Variants in ARL13B observed in about 807,000 individuals in gnomAD.
The protein encoded by ARL13B is ARF like GTPase 13B, also known as ADP-ribosylation factor-like protein 13B.
A neutral mutation model predicts 56.1 loss-of-function variants in ARL13B; 36 were observed. That is an observed-to-expected ratio of 0.64 (90% CI 0.49 to 0.85). The LOEUF (loss-of-function observed/expected upper bound fraction) is 0.85. Among genes scored for constraint, ARL13B ranks in the 40% least tolerant of loss-of-function variants. ARL13B has a pLI of 0.00. For missense variants in ARL13B, 519 were observed against 507.1 expected (o/e 1.02, Z -0.23); for synonymous variants, 178 against 171.1 (o/e 1.04, Z -0.32).
At chr3:94,052,803 A>G (rs917469396) in intron 9 of ARL13B, among the ~76,000 whole-genome samples, 5 of 152,188 alleles carry the variant, frequency 3.3e-5, no homozygotes, top group African/African-American at 1.2e-4. Context: ...GATAGTGGCT[A>G]TATTTGGGGT....
chr3:93,986,742 A>G (rs1429834061), intron 1 of ARL13B, among the ~76,000 whole-genome samples: 2 of 152,010 alleles, frequency 1.3e-5, no homozygotes, highest in Non-Finnish European at 2.9e-5. Context: ...GCCGTGGTGG[A>G]TGGATCAGTT....
chr3:94,050,164 G>A (rs1289999049), intron 8 of ARL13B, among the ~76,000 whole-genome samples: 1 of 136,252 alleles, frequency 7.3e-6, no homozygotes, highest in Non-Finnish European at 1.6e-5. Context: ...ACTCCATCTC[G>A]GGAAAAAAAA....
At chr3:94,005,974 G>A (rs936027590) in intron 3 of ARL13B, among the ~76,000 whole-genome samples, 8 of 152,092 alleles carry the variant, frequency 5.3e-5, no homozygotes, top group African/African-American at 1.9e-4. Flanking sequence ...GTATATTTAT[G>A]AGACAAGTAA....
intron 3 of ARL13B, among the ~76,000 whole-genome samples, chr3:94,009,308 A>C (rs2076185109): frequency 6.6e-6 from 1 of 151,942 alleles, no homozygotes. Context: ...ATTAATTATT[A>C]CTTTTTCAAC....
At chr3:94,046,254 C>T (rs962912351) in intron 7 of ARL13B, among the ~76,000 whole-genome samples, 1 of 152,052 alleles carries the variant, frequency 6.6e-6, no homozygotes, top group Non-Finnish European at 1.5e-5. Flanking sequence ...TTCTTCATGT[C>T]CTTTAGTAAT....
At chr3:94,053,124 CTG>C in intron 9 of ARL13B, 61 bp from the exon 10 acceptor site, 1 of 1,314,402 alleles carries the variant, frequency 7.6e-7, no homozygotes, top group East Asian at 2.3e-5. Flanking sequence ...AAATAATGAA[CTG>C]TGTCAAAAAT....
chr3:93,996,059 A>G, intron 2 of ARL13B, 115 bp downstream of exon 2: 2 of 1,023,416 alleles, frequency 2.0e-6, no homozygotes, highest in Non-Finnish European at 3.0e-6. Context: ...GCACTGCATT[A>G]CTTTATATTC....
At chr3:94,037,652 CA>C (rs2076791829) in intron 5 of ARL13B, among the ~76,000 whole-genome samples, 1 of 151,790 alleles carries the variant, frequency 6.6e-6, no homozygotes, top group Non-Finnish European at 1.5e-5. Context: ...GTATTTTTAT[CA>C]TATAAAGCTC....
chr3:93,993,787 A>G (rs73156339), intron 1 of ARL13B, among the ~76,000 whole-genome samples: 12,413 of 152,276 alleles, frequency 0.082, 630 homozygotes, highest in Middle Eastern at 0.2. Flanking sequence ...AAGTAAATTC[A>G]TATTTTTCAT....
chr3:94,006,186 T>C (rs1287464557), intron 3 of ARL13B, among the ~76,000 whole-genome samples: 4 of 152,034 alleles, frequency 2.6e-5, no homozygotes, highest in Non-Finnish European at 5.9e-5. Context: ...TCCCAGCTAC[T>C]CGGGAGGCTG....
chr3:93,982,540 A>G (rs1264587347), intron 1 of ARL13B, among the ~76,000 whole-genome samples: 1 of 152,246 alleles, frequency 6.6e-6, no homozygotes, highest in Non-Finnish European at 1.5e-5. Context: ...TGCATATGCT[A>G]GGTTAAATAA....
At chr3:93,995,216 A>G (rs2075945881) in intron 1 of ARL13B, among the ~76,000 whole-genome samples, 1 of 152,148 alleles carries the variant, frequency 6.6e-6, no homozygotes, top group South Asian at 2.1e-4. Flanking sequence ...AGTTAGGTGA[A>G]TTAGGTTCTG....
rs1311034105 is a variant in ARL13B at position 94,054,421 on chromosome 3, T to C, written c.*1158T>C. On this transcript the variant is annotated 3_prime_UTR_variant, in exon 10 of 10. Coordinates refer to ENST00000394222, the MANE Select transcript of ARL13B (RefSeq NM_001174150.2). Reference sequence around the variant, plus strand: ...TCCATAAGATTCTGTATTTGGCATTTAGACTAACTTCTAGATGTATATTTT... The same window carrying C: ...TCCATAAGATTCTGTATTTGGCATTCAGACTAACTTCTAGATGTATATTTT... 1.3e-5 allele frequency: 5 copies of C among 379,494 alleles called. No homozygotes were observed. The highest frequency in any genetic ancestry group is 2.6e-5 in the Non-Finnish European group (5 of 194,644). The allele number at this position is 379,494 out of a possible 1,614,324, so 23.5% of individuals were successfully genotyped here. A position where few individuals can be genotyped will look rare whatever the true frequency, so the allele number is the denominator to read the frequency against.
At chr3:93,999,364 C>T (rs1384563329) in intron 2 of ARL13B, among the ~76,000 whole-genome samples, 2 of 152,082 alleles carry the variant, frequency 1.3e-5, no homozygotes, top group African/African-American at 2.4e-5. Flanking sequence ...GCCTCAGCCT[C>T]GAGAGTAGCT....
chr3:94,029,220 C>G (rs1260102481), intron 3 of ARL13B, among the ~76,000 whole-genome samples: 1 of 143,864 alleles, frequency 7.0e-6, no homozygotes, highest in Non-Finnish European at 1.5e-5. Context: ...TCTTGTACTA[C>G]CAAATTTCAG....
intron 1 of ARL13B, among the ~76,000 whole-genome samples, chr3:93,984,084 G>C (rs1443997365): frequency 6.6e-6 from 1 of 152,216 alleles, no homozygotes; most frequent in Admixed American, 6.5e-5. Flanking sequence ...GGCGGAGCAC[G>C]GTGGCTCACG....
intron 1 of ARL13B, among the ~76,000 whole-genome samples, chr3:93,989,948 A>C (rs1401072601): frequency 6.6e-6 from 1 of 152,162 alleles, no homozygotes; most frequent in Non-Finnish European, 1.5e-5. Context: ...ACTTCTGGAA[A>C]GGTTACATCA....
chr3:94,054,023 A>G lies in ARL13B; in HGVS notation c.*760A>G. 1 of 430,372 alleles carries G rather than the reference A, an allele frequency of 2.3e-6. No individual in the cohort carries two copies. The allele number at this position is 430,372 out of a possible 1,614,324, so 26.7% of individuals were successfully genotyped here. A position where few individuals can be genotyped will look rare whatever the true frequency, so the allele number is the denominator to read the frequency against. On this transcript the variant is annotated 3_prime_UTR_variant, in exon 10 of 10. Coordinates refer to ENST00000394222, the MANE Select transcript of ARL13B (RefSeq NM_001174150.2). ...GACTGGAAATACCTTTTGTACCTAA[A>G]TGTTTTTTAAATTAATCAAAATACA...
At position 94,003,825 on chromosome 3, in the gene ARL13B, T is replaced by A; in HGVS notation, c.297T>A (p.Ser99Arg). The A allele has an allele frequency of 6.2e-7, 1 of 1,613,644 alleles. No individual in the cohort carries two copies. Among genetic ancestry groups the A allele is most frequent in the Non-Finnish European group, 8.5e-7 (1 of 1,179,730 alleles). Residue 99 changes from serine to arginine, a missense_variant, in exon 3 of 10, where the codon AGT becomes AGA. Coordinates refer to ENST00000394222, the MANE Select transcript of ARL13B (RefSeq NM_001174150.2). ...GGGTAATATTTGTTGTGGATTCCAG[T>A]GATGAAGAGAGAATGGAAGAGACAA... ...SYGVIFVVDS[S>R]DEERMEETKE...
Sources: allele counts gnomAD v4.1 joint callset (sites outside exome capture counted in the v4.1 genomes callset), GRCh38; gene constraint gnomAD v4.1.1; transcripts MANE v1.5; gene names NCBI Gene and HGNC (gene_info 2026-07-23, HGNC 2026-07-21).